LYRM4: variants seen among roughly 807,000 people sequenced by gnomAD.
The protein encoded by LYRM4 is LYR motif containing 4, also known as LYR motif-containing protein 4.
A neutral mutation model predicts 11.7 loss-of-function variants in LYRM4; 9 were observed. The ratio of observed to expected loss-of-function variants is 0.77; its 90% CI spans 0.46 to 1.34. The LOEUF (loss-of-function observed/expected upper bound fraction) is 1.34. LYRM4 is among the 40% of genes most tolerant of loss of function. The pLI is 0.00. For missense variants in LYRM4, 133 were observed against 112.5 expected, an observed-to-expected ratio of 1.18 and a Z score of -0.82; for synonymous variants, 42 against 40.4, an observed-to-expected ratio of 1.04 and a Z score of -0.15.
chr6:5,213,764 T>C (rs1581519196), intron 2 of LYRM4, among the ~76,000 whole-genome samples: 1 of 152,204 alleles, frequency 6.6e-6, no homozygotes, highest in South Asian at 2.1e-4. Context: ...ACATACTTCA[T>C]GCATTTATTT....
the LYRM4 span, chr6:5,034,485 T>C: frequency 6.6e-6 from 1 of 152,250 alleles, no homozygotes; most frequent in Non-Finnish European, 1.5e-5. Context: ...GAGTCATCCT[T>C]GCAGTAATGA....
At chr6:5,055,672 C>T in the LYRM4 span, among the ~76,000 whole-genome samples, 1 of 152,106 alleles carries the variant, frequency 6.6e-6, no homozygotes, top group Admixed American at 6.5e-5. The surrounding 1 kb of genome is among the most constrained non-coding windows in gnomAD (Gnocchi z 4.5). Flanking sequence ...TTCACTCTAC[C>T]CTCCACCCCT....
chr6:5,136,811 C>T, intron 2 of LYRM4: 1 of 985,394 alleles, frequency 1.0e-6, no homozygotes, highest in Non-Finnish European at 1.2e-6. Context: ...AAACTCTGGT[C>T]TCTTCCTGAT....
At chr6:5,238,227 A>T (rs1763666848) in intron 1 of LYRM4, among the ~76,000 whole-genome samples, 1 of 152,220 alleles carries the variant, frequency 6.6e-6, no homozygotes, top group South Asian at 2.1e-4. Context: ...TTTCAAATAA[A>T]CTATGGGAGT....
chr6:5,044,465 T>A, the LYRM4 span, among the ~76,000 whole-genome samples: 1 of 152,166 alleles, frequency 6.6e-6, no homozygotes, highest in Non-Finnish European at 1.5e-5. Context: ...CTGGGAAACC[T>A]CTTATCCTCA....
chr6:5,148,578 G>A (rs1581380999), intron 2 of LYRM4, among the ~76,000 whole-genome samples: 1 of 50,210 alleles, frequency 2.0e-5, no homozygotes, highest in Non-Finnish European at 4.2e-5. Context: ...AAACATGGAT[G>A]AGAAAATGAG....
the LYRM4 span, among the ~76,000 whole-genome samples, chr6:5,079,235 A>G: frequency 6.6e-6 from 1 of 152,250 alleles, no homozygotes; most frequent in East Asian, 1.9e-4. Flanking sequence ...GGCTGGGATC[A>G]GTAAACTGTC....
chr6:5,092,697 G>A, the LYRM4 span, among the ~76,000 whole-genome samples: 17 of 145,986 alleles, frequency 1.2e-4, no homozygotes, highest in East Asian at 9.6e-4. Context: ...TGGCCTGGGC[G>A]ACAGACAGAG....
intron 2 of LYRM4, among the ~76,000 whole-genome samples, chr6:5,111,816 G>C (rs1762895661): frequency 6.6e-6 from 1 of 152,236 alleles, no homozygotes. Flanking sequence ...TGCCATGTGA[G>C]ACTCTTCACT....
the LYRM4 span, chr6:5,086,453 T>A: frequency 6.5e-7 from 1 of 1,536,778 alleles, no homozygotes; most frequent in Non-Finnish European, 8.7e-7. Flanking sequence ...GAGCGCGGCG[T>A]CGCGGTCCAC....
the LYRM4 span, among the ~76,000 whole-genome samples, chr6:5,074,246 G>C: frequency 6.6e-6 from 1 of 152,138 alleles, no homozygotes; most frequent in Non-Finnish European, 1.5e-5. Context: ...GGGCACTGAA[G>C]CTTCAGTAGT....
chr6:5,092,640 C>T, the LYRM4 span, among the ~76,000 whole-genome samples: 7 of 152,086 alleles, frequency 4.6e-5, no homozygotes, highest in Non-Finnish European at 8.8e-5. Flanking sequence ...ATCCCTTGAA[C>T]CCGGGAAGCA....
At chr6:5,245,100 AAAAAAAAAAAAAAATATATATATATATAT>A (rs1764084857) in intron 1 of LYRM4, among the ~76,000 whole-genome samples, 3 of 50,832 alleles carry the variant, frequency 5.9e-5, no homozygotes, top group African/African-American at 1.5e-4. Context: ...AAAAAAAAAA[AAAAAAAAAAAAAAATATATATATATATAT>A]ATATATATAT....
intron 2 of LYRM4, among the ~76,000 whole-genome samples, chr6:5,131,052 G>A (rs1311080618): frequency 1.3e-5 from 2 of 152,182 alleles, no homozygotes; most frequent in African/African-American, 4.8e-5. Context: ...AACAAAAGTG[G>A]TAAAGGAAGA....
chr6:5,101,836 C>T (rs1190897213), downstream of LYRM4, among the ~76,000 whole-genome samples: 1 of 152,032 alleles, frequency 6.6e-6, no homozygotes, highest in Admixed American at 6.5e-5. Context: ...CACTCTGTCC[C>T]CTAGCCTAGA....
intron 2 of LYRM4, among the ~76,000 whole-genome samples, chr6:5,213,495 C>T (rs774919372): frequency 6.6e-6 from 1 of 152,168 alleles, no homozygotes; most frequent in Non-Finnish European, 1.5e-5. Flanking sequence ...TGGCTGTGGG[C>T]TTCCTCACTG....
chr6:5,135,931 T>A (rs185579278), intron 2 of LYRM4, among the ~76,000 whole-genome samples: 1 of 152,286 alleles, frequency 6.6e-6, no homozygotes, highest in East Asian at 1.9e-4. Flanking sequence ...TCCCCTCCAG[T>A]CCTTGGCAAC....
chr6:5,151,257 G>T (rs1490051736), intron 2 of LYRM4, among the ~76,000 whole-genome samples: 1 of 151,906 alleles, frequency 6.6e-6, no homozygotes, highest in Non-Finnish European at 1.5e-5. Flanking sequence ...CTAATTTTTT[G>T]TATTTTTAGT....
downstream of LYRM4, among the ~76,000 whole-genome samples, chr6:5,102,095 A>AC (rs1762523999): frequency 7.0e-6 from 1 of 143,558 alleles, no homozygotes; most frequent in African/African-American, 2.6e-5. Context: ...ACCTGGCCTG[A>AC]TTTTTTTTTT....
Sources: gnomAD v4.1 joint callset for allele counts (sites outside exome capture counted in the v4.1 genomes callset) on GRCh38, gnomAD v4.1.1 for gene constraint, Gnocchi (gnomAD v3.1) non-coding constraint, MANE v1.5 for transcripts, NCBI Gene and HGNC (gene_info 2026-07-23, HGNC 2026-07-21) for gene names.